The following NCAM1 variants were observed in gnomAD, a reference collection of about 807,000 sequenced individuals.
The protein encoded by NCAM1 is antigen recognized by monoclonal antibody 5.1H11.
Under a neutral mutation model 109.8 loss-of-function variants are expected in NCAM1, and 14 were observed. The ratio of observed to expected loss-of-function variants is 0.13; its 90% CI spans 0.08 to 0.20. The LOEUF is 0.20. NCAM1 is among the 10% of genes least tolerant of loss of function. The pLI is 1.00. For missense variants in NCAM1, 774 were observed against 1,109.9 expected, an observed-to-expected ratio of 0.70 and a Z score of 4.30; for synonymous variants, 418 against 442.9, an observed-to-expected ratio of 0.94 and a Z score of 0.70.
At chr11:113,245,173 G>C (rs953666187) in intron 14 of NCAM1, among the ~76,000 whole-genome samples, 1 of 151,698 alleles carries the variant, frequency 6.6e-6, no homozygotes, top group South Asian at 2.1e-4. Flanking sequence ...AACCACAACA[G>C]GTTGGGTGCC....
intron 1 of NCAM1, among the ~76,000 whole-genome samples, chr11:113,136,981 T>C (rs1380522514): frequency 1.3e-5 from 2 of 152,152 alleles, no homozygotes; most frequent in Admixed American, 1.3e-4. Flanking sequence ...CTCTTGCCTC[T>C]TCTGAGGAAG....
intron 1 of NCAM1, among the ~76,000 whole-genome samples, chr11:113,160,398 C>T (rs1053996504): frequency 3.9e-5 from 6 of 152,102 alleles, no homozygotes; most frequent in African/African-American, 7.2e-5. Context: ...ACATGAAGTC[C>T]GAGGGCCCCT....
At chr11:113,002,998 A>G (rs1331689620) in intron 1 of NCAM1, among the ~76,000 whole-genome samples, 1 of 152,250 alleles carries the variant, frequency 6.6e-6, no homozygotes, top group Non-Finnish European at 1.5e-5. Flanking sequence ...ATTGGGTTGA[A>G]TTGAGGAGAG....
intron 1 of NCAM1, among the ~76,000 whole-genome samples, chr11:113,180,603 C>A (rs1555107786): frequency 1.3e-5 from 2 of 152,216 alleles, no homozygotes; most frequent in Non-Finnish European, 2.9e-5. Flanking sequence ...AGGCCGTCTT[C>A]CTGTAGCACT....
intron 18 of NCAM1, among the ~76,000 whole-genome samples, chr11:113,271,127 T>G (rs1242845913): frequency 6.6e-6 from 1 of 151,934 alleles, no homozygotes; most frequent in Non-Finnish European, 1.5e-5. Flanking sequence ...CCCAGCACTT[T>G]GGGAGGCCGA....
At chr11:112,999,302 C>T (rs1372917023) in intron 1 of NCAM1, among the ~76,000 whole-genome samples, 5 of 152,078 alleles carry the variant, frequency 3.3e-5, no homozygotes, top group Non-Finnish European at 5.9e-5. Flanking sequence ...CATTTTGTAG[C>T]TGTGTCAATG....
chr11:113,243,537 C>CT (rs1565525156), intron 14 of NCAM1: 3 of 518,320 alleles, frequency 5.8e-6, no homozygotes, highest in East Asian at 1.1e-4. Context: ...ATTGTATCCT[C>CT]TTTTTTCATC....
At chr11:113,067,226 GC>G in intron 1 of NCAM1, among the ~76,000 whole-genome samples, 1 of 152,262 alleles carries the variant, frequency 6.6e-6, no homozygotes, top group East Asian at 1.9e-4. Flanking sequence ...CAGCAGAATT[GC>G]CAAATACTGT....
chr11:113,137,277 C>T (rs1941635554), intron 1 of NCAM1, among the ~76,000 whole-genome samples: 1 of 152,210 alleles, frequency 6.6e-6, no homozygotes, highest in African/African-American at 2.4e-5. Flanking sequence ...TCCATGTTAT[C>T]TGGAAACCCA....
At chr11:113,203,370 T>C (rs996236488) in intron 2 of NCAM1, among the ~76,000 whole-genome samples, 1 of 152,220 alleles carries the variant, frequency 6.6e-6, no homozygotes, top group Non-Finnish European at 1.5e-5. Context: ...AATAGCGATA[T>C]TTATTGAAAA....
intron 1 of NCAM1, among the ~76,000 whole-genome samples, chr11:113,044,105 G>A (rs1408019348): frequency 1.3e-5 from 2 of 152,128 alleles, no homozygotes; most frequent in East Asian, 1.9e-4. Flanking sequence ...GGTCTACCAA[G>A]TTTGAATCGT....
At chr11:112,993,558 T>C (rs555114401) in intron 1 of NCAM1, among the ~76,000 whole-genome samples, 9 of 152,328 alleles carry the variant, frequency 5.9e-5, no homozygotes, top group Admixed American at 3.3e-4. Flanking sequence ...TGAGGATTAA[T>C]AGCATCCCTG....
intron 1 of NCAM1, among the ~76,000 whole-genome samples, chr11:113,102,119 C>T (rs1365296540): frequency 5.3e-5 from 8 of 152,110 alleles, no homozygotes; most frequent in African/African-American, 1.9e-4. Flanking sequence ...AAACTCTACC[C>T]TTGTATAATG....
chr11:113,173,620 A>ATATATATG (rs1943059496), intron 1 of NCAM1, among the ~76,000 whole-genome samples: 1 of 81,852 alleles, frequency 1.2e-5, no homozygotes, highest in Non-Finnish European at 2.6e-5. Flanking sequence ...ATATATATAT[A>ATATATATG]TATATATTTT....
At chr11:113,164,916 C>A (rs1555105011) in intron 1 of NCAM1, among the ~76,000 whole-genome samples, 1 of 152,100 alleles carries the variant, frequency 6.6e-6, no homozygotes, top group East Asian at 1.9e-4. Context: ...GATGACCAAC[C>A]CCAGCCAGGA....
intron 17 of NCAM1, chr11:113,263,113 T>C: frequency 7.7e-7 from 1 of 1,304,846 alleles, no homozygotes; most frequent in Non-Finnish European, 9.8e-7. Flanking sequence ...ACAGATACTT[T>C]TGTGCCACTT....
chr11:113,164,395 G>A (rs527960920), intron 1 of NCAM1, among the ~76,000 whole-genome samples: 1 of 152,090 alleles, frequency 6.6e-6, no homozygotes, highest in Non-Finnish European at 1.5e-5. Context: ...CTGTCTACCT[G>A]GAGTTAGAGT....
chr11:112,966,749 G>T (rs979984391), intron 1 of NCAM1, among the ~76,000 whole-genome samples: 5 of 152,174 alleles, frequency 3.3e-5, no homozygotes, highest in African/African-American at 1.2e-4. Context: ...TTTGATGTTG[G>T]CCTGGGTGCC....
intron 1 of NCAM1, among the ~76,000 whole-genome samples, chr11:113,063,926 A>G (rs1407073019): frequency 6.6e-6 from 1 of 152,228 alleles, no homozygotes; most frequent in Non-Finnish European, 1.5e-5. Context: ...ATTCTGTGTG[A>G]CTAGTATCTC....
Sources: allele counts gnomAD v4.1 joint callset (sites outside exome capture counted in the v4.1 genomes callset), GRCh38; gene constraint gnomAD v4.1.1; transcripts MANE v1.5; gene names NCBI Gene and HGNC (gene_info 2026-07-23, HGNC 2026-07-21).